The following EML6 variants were observed in gnomAD, a reference collection of about 807,000 sequenced individuals.
The protein encoded by EML6 is EMAP like 6, also known as echinoderm microtubule-associated protein-like 6.
Under a neutral mutation model 240.1 loss-of-function variants are expected in EML6, and 154 were observed. The ratio of observed to expected loss-of-function variants is 0.64; its 90% CI spans 0.56 to 0.73. The LOEUF (loss-of-function observed/expected upper bound fraction) is 0.73. Ranked by LOEUF, EML6 falls within the 30% of genes least tolerant of loss-of-function variation. EML6 has a pLI of 0.00. For missense variants in EML6, 2,964 were observed against 2,474.6 expected (o/e 1.20, Z -4.20); for synonymous variants, 1,148 against 899.0 (o/e 1.28, Z -4.95).
rs548000621 is a variant in EML6, at chr2:54,957,878, C to T, written c.4575C>T (p.Val1525=). ...RPDSDTQFVS[V]GVKHMKFWTL... ...ACTCAGACACGCAGTTTGTATCTGT[C>T]GGGGTCAAACATATGAAGTTCTGGA... Residue 1525 remains valine, a synonymous_variant, in exon 33 of 42, where the codon GTC becomes GTT. Coordinates refer to ENST00000356458, the MANE Select transcript of EML6 (RefSeq NM_001039753.4). The T allele has an allele frequency of 3.5e-5, 54 of 1,551,406 alleles. No individual in the cohort carries two copies. The highest frequency in any genetic ancestry group is 2.4e-4 in the South Asian group (20 of 84,042).
intron 35 of EML6, among the ~76,000 whole-genome samples, chr2:54,962,145 C>G (rs1476033224): frequency 6.7e-6 from 1 of 149,140 alleles, no homozygotes. Context: ...TGCAGTGGTA[C>G]CATCATCATA....
chr2:54,799,436 C>T (rs1227801392), intron 2 of EML6, among the ~76,000 whole-genome samples: 2 of 152,052 alleles, frequency 1.3e-5, no homozygotes, highest in East Asian at 3.9e-4. Context: ...ACCTCTGACT[C>T]CCTGATTCAA....
intron 28 of EML6, among the ~76,000 whole-genome samples, chr2:54,944,204 C>T (rs750201747): frequency 2.6e-5 from 4 of 152,150 alleles, no homozygotes; most frequent in African/African-American, 7.2e-5. Flanking sequence ...AGTGGAACTT[C>T]CAACTAACAA....
chr2:54,826,278 C>A (rs751689236), intron 5 of EML6, among the ~76,000 whole-genome samples: 1 of 152,158 alleles, frequency 6.6e-6, no homozygotes, highest in African/African-American at 2.4e-5. Flanking sequence ...ATGCAAATAG[C>A]CCTTATAACC....
chr2:54,862,121 A>AG (rs1306644528), intron 12 of EML6, among the ~76,000 whole-genome samples: 1 of 151,864 alleles, frequency 6.6e-6, no homozygotes, highest in Admixed American at 6.6e-5. Context: ...GGATCACTTG[A>AG]GGTTAGGAGT....
intron 16 of EML6, among the ~76,000 whole-genome samples, chr2:54,878,814 AAGAT>A (rs1398887795): frequency 6.6e-6 from 1 of 152,210 alleles, no homozygotes; most frequent in African/African-American, 2.4e-5. Flanking sequence ...TAGATGAAGA[AAGAT>A]AAGATAACCT....
At chr2:54,806,868 A>G (rs956424784) in intron 2 of EML6, among the ~76,000 whole-genome samples, 6 of 152,012 alleles carry the variant, frequency 3.9e-5, no homozygotes, top group Admixed American at 1.3e-4. Context: ...AGGTTGAGTA[A>G]TTTGCTGAAG....
chr2:54,832,385 C>G (rs1668916418), intron 7 of EML6, among the ~76,000 whole-genome samples: 1 of 152,194 alleles, frequency 6.6e-6, no homozygotes, highest in South Asian at 2.1e-4. Flanking sequence ...TTCCATAGCT[C>G]CGAACAGGGA....
At chr2:54,801,736 G>A (rs781268412) in intron 2 of EML6, among the ~76,000 whole-genome samples, 34 of 152,096 alleles carry the variant, frequency 2.2e-4, no homozygotes, top group Non-Finnish European at 4.1e-4. Flanking sequence ...AGAACCTAAT[G>A]CAATTTTTCA....
chr2:54,761,221 G>A (rs1667967413), intron 2 of EML6, among the ~76,000 whole-genome samples: 1 of 152,000 alleles, frequency 6.6e-6, no homozygotes, highest in Non-Finnish European at 1.5e-5. Context: ...CCAGTTTGTG[G>A]AACGGACTTG....
intron 2 of EML6, among the ~76,000 whole-genome samples, chr2:54,760,511 G>C (rs1373688133): frequency 2.0e-5 from 3 of 152,110 alleles, no homozygotes; most frequent in African/African-American, 7.2e-5. Flanking sequence ...GACTTGGTTA[G>C]TCACAGGTAT....
At chr2:54,939,832 G>C (rs911044573) in intron 28 of EML6, among the ~76,000 whole-genome samples, 7 of 152,192 alleles carry the variant, frequency 4.6e-5, no homozygotes, top group African/African-American at 1.4e-4. Flanking sequence ...TGTGAAGAGA[G>C]GGGAAAGGAA....
At chr2:54,916,230 A>G (rs1028415309) in intron 25 of EML6, among the ~76,000 whole-genome samples, 2 of 152,224 alleles carry the variant, frequency 1.3e-5, no homozygotes, top group African/African-American at 4.8e-5. Context: ...TGGCTAAATG[A>G]TCATCTCCAT....
chr2:54,919,242 T>TTC (rs1674092392), intron 26 of EML6, among the ~76,000 whole-genome samples: 3 of 128,418 alleles, frequency 2.3e-5, no homozygotes, highest in African/African-American at 9.3e-5. Flanking sequence ...CTATTTTGCT[T>TTC]CCCCCCCCCC....
intron 5 of EML6, among the ~76,000 whole-genome samples, chr2:54,821,841 CAAAAACTATAAA>C (rs750404600): frequency 1.4e-4 from 22 of 152,094 alleles, no homozygotes; most frequent in Non-Finnish European, 2.8e-4. Flanking sequence ...AGGTAAGTTT[CAAAAACTATAAA>C]ATAACTAGAG....
chr2:54,841,086 G>A (rs1386274342), intron 7 of EML6, among the ~76,000 whole-genome samples: 2 of 108,998 alleles, frequency 1.8e-5, no homozygotes, highest in Non-Finnish European at 3.7e-5. Context: ...TAGGCAAAGA[G>A]ATCAGGACAA....
At chr2:54,955,283 G>C (rs1481925088) in intron 32 of EML6, among the ~76,000 whole-genome samples, 2 of 152,164 alleles carry the variant, frequency 1.3e-5, no homozygotes, top group African/African-American at 4.8e-5. Context: ...CATCTTAAAT[G>C]ATAGACAGAG....
chr2:54,788,901 C>A (rs1307088382), intron 2 of EML6, among the ~76,000 whole-genome samples: 2 of 152,156 alleles, frequency 1.3e-5, no homozygotes, highest in African/African-American at 2.4e-5. Flanking sequence ...GGTTGGAGTT[C>A]CATAGACTTA....
rs543062528 is a variant in EML6, at chr2:54,772,093, C to A, written c.198-41139C>A. Among the ~76,000 whole-genome samples, 10 of 152,292 alleles carry A rather than the reference C, an allele frequency of 6.6e-5. No homozygotes were observed. The South Asian group carries it at 2.1e-3, about 32-fold the overall frequency. ...GGATTATGGAACTGAGAGCAGTTTT[C>A]ATGAATCCCGTGGAAGCCACAGCAT... is the stretch of plus-strand genomic sequence containing the variant. On this transcript the variant is annotated intron_variant, in intron 2 of 41. Coordinates refer to ENST00000356458, the MANE Select transcript of EML6 (RefSeq NM_001039753.4).
Sources: allele counts gnomAD v4.1 joint callset (sites outside exome capture counted in the v4.1 genomes callset), GRCh38; gene constraint gnomAD v4.1.1; transcripts MANE v1.5; gene names NCBI Gene and HGNC (gene_info 2026-07-23, HGNC 2026-07-21).